Variants in ASCC3 observed in about 807,000 individuals in gnomAD.
ASCC3 encodes the protein ASC-1 complex subunit P200.
In ASCC3, 158 loss-of-function variants were observed where a neutral mutation model predicts 256.3. The ratio of observed to expected loss-of-function variants is 0.62; its 90% CI spans 0.54 to 0.70. ASCC3 has a LOEUF of 0.70. Ranked by LOEUF, ASCC3 falls within the 30% of genes least tolerant of loss-of-function variation. ASCC3 has a pLI of 0.00. For missense variants in ASCC3, 2,259 were observed against 2,626.0 expected, an observed-to-expected ratio of 0.86 and a Z score of 3.05; for synonymous variants, 948 against 883.4, an observed-to-expected ratio of 1.07 and a Z score of -1.30.
chr6:100,642,311 G>A (rs1582619647), intron 24 of ASCC3, among the ~76,000 whole-genome samples: 2 of 151,974 alleles, frequency 1.3e-5, no homozygotes, highest in African/African-American at 4.8e-5. Context: ...CAAAAGATGG[G>A]GGGAAATTCC....
intron 8 of ASCC3, among the ~76,000 whole-genome samples, chr6:100,773,218 G>T (rs997571489): frequency 2.0e-5 from 3 of 152,074 alleles, no homozygotes; most frequent in African/African-American, 7.2e-5. Flanking sequence ...GATGGTACTT[G>T]TTAAATATGT....
chr6:100,836,825 C>T (rs1457634038), intron 4 of ASCC3, among the ~76,000 whole-genome samples: 2 of 151,960 alleles, frequency 1.3e-5, no homozygotes, highest in African/African-American at 4.8e-5. Flanking sequence ...TATTACAAGG[C>T]CTTTATTGGC....
At chr6:100,697,097 G>C (rs1258796460) in intron 13 of ASCC3, among the ~76,000 whole-genome samples, 1 of 152,082 alleles carries the variant, frequency 6.6e-6, no homozygotes, top group African/African-American at 2.4e-5. Flanking sequence ...CTTTTATGTA[G>C]CAAGTCAGAA....
At chr6:100,804,537 C>G (rs1016876395) in intron 5 of ASCC3, among the ~76,000 whole-genome samples, 10 of 151,890 alleles carry the variant, frequency 6.6e-5, no homozygotes, top group African/African-American at 2.2e-4. Context: ...ACCTAATATC[C>G]AGAATCTATA....
In ASCC3 at chr6:100,881,130, TTTTAC is replaced by T. The variant is rs1324853806; in HGVS notation, c.-116_-112del. 2.6e-5 allele frequency: 4 copies of T among 152,324 alleles called. No homozygotes were observed. The highest frequency in any genetic ancestry group is 7.2e-5 in the African/African-American group (3 of 41,438). The allele number at this position is 152,324 out of a possible 1,614,324, so 9.4% of individuals were successfully genotyped here. ...GCCACCGCGCCTTCTTCCCTTTCGG[TTTTAC>T]TTTAACTTCCCACGCCGGGTGAGGA... On this transcript the variant is annotated 5_prime_UTR_variant, in exon 1 of 42. Coordinates refer to ENST00000369162, the MANE Select transcript of ASCC3 (RefSeq NM_006828.4).
chr6:100,559,521 T>G (rs1441729528), intron 36 of ASCC3, among the ~76,000 whole-genome samples: 1 of 152,138 alleles, frequency 6.6e-6, no homozygotes, highest in East Asian at 1.9e-4. Context: ...TTCAAATAAA[T>G]AATCCTAAGG....
At chr6:100,542,849 A>G (rs936470899) in intron 36 of ASCC3, among the ~76,000 whole-genome samples, 1 of 140,442 alleles carries the variant, frequency 7.1e-6, no homozygotes, top group Admixed American at 7.0e-5. Flanking sequence ...AAGACAAATT[A>G]TACCAGATGA....
chr6:100,586,302 C>A (rs1261882048), intron 36 of ASCC3, among the ~76,000 whole-genome samples: 3 of 152,160 alleles, frequency 2.0e-5, no homozygotes, highest in Non-Finnish European at 4.4e-5. Flanking sequence ...TGACCCTTCC[C>A]CAGCCTTGCT....
chr6:100,789,113 A>C lies in ASCC3; in HGVS notation c.1395+9600T>G, dbSNP rs146685834. On this transcript the variant is annotated intron_variant, in intron 8 of 41. Transcript: ENST00000369162. ...AGGGGAGGAAAGGAAAGGAGGAAGG[A>C]AGGAAGGGAGGACAGGAGGGAGGGC... Among the ~76,000 whole-genome samples, 60 of 151,844 alleles carry C rather than the reference A, an allele frequency of 4.0e-4. 1 individual carries two copies. Among genetic ancestry groups the C allele is most frequent in the African/African-American group, 1.4e-3 (59 of 41,492 alleles).
Position 100,569,031 on chromosome 6 carries a change from G to A in ASCC3, c.5550+20603C>T, listed in dbSNP as rs533307119. Reference sequence around the variant, plus strand: ...CCTGATCTCGTGATCTGATTGCCTCGGCCTAGTCATAAATTATTTCTTAAG... The same window carrying A: ...CCTGATCTCGTGATCTGATTGCCTCAGCCTAGTCATAAATTATTTCTTAAG... On this transcript the variant is annotated intron_variant, in intron 36 of 41. Coordinates refer to ENST00000369162, the MANE Select transcript of ASCC3 (RefSeq NM_006828.4). 2.4e-4 allele frequency among the ~76,000 whole-genome samples: 37 copies of A among 151,822 alleles called. 1 individual carries two copies. The highest frequency in any genetic ancestry group is 4.2e-4 in the South Asian group (2 of 4,804).
At chr6:100,837,844 A>T (rs979420130) in intron 4 of ASCC3, among the ~76,000 whole-genome samples, 1 of 152,062 alleles carries the variant, frequency 6.6e-6, no homozygotes, top group Admixed American at 6.6e-5. Context: ...TAGGGCTAAC[A>T]ATATTGTGTT....
Position 100,647,742 on chromosome 6 carries a change from G to T in ASCC3, c.3253-291C>A, listed in dbSNP as rs572750266. Among the ~76,000 whole-genome samples, 175 of 152,126 alleles carry T rather than the reference G, an allele frequency of 1.2e-3. 1 individual carries two copies. Among genetic ancestry groups the T allele is most frequent in the African/African-American group, 3.9e-3 (164 of 41,522 alleles). ...AGGAATGAAGTAGGAAGAGACAAAA[G>T]GCATGCAAAATATTTAGGAGGCTGT... On this transcript the variant is annotated intron_variant, in intron 20 of 41. Transcript: ENST00000369162.
intron 4 of ASCC3, among the ~76,000 whole-genome samples, chr6:100,818,534 T>A (rs1229489613): frequency 7.4e-6 from 1 of 135,726 alleles, no homozygotes; most frequent in East Asian, 2.1e-4. Flanking sequence ...ATCATGCCAC[T>A]CTCTAGCCTG....
chr6:100,754,774 TTGTGTGAGGG>T (rs1781096985), intron 10 of ASCC3, among the ~76,000 whole-genome samples: 1 of 152,120 alleles, frequency 6.6e-6, no homozygotes, highest in African/African-American at 2.4e-5. Flanking sequence ...TCCCCATGTA[TTGTGTGAGGG>T]ACCCAGTGGG....
intron 13 of ASCC3, among the ~76,000 whole-genome samples, chr6:100,706,031 G>A (rs6922219): frequency 5.9e-5 from 9 of 151,264 alleles, no homozygotes; most frequent in African/African-American, 2.2e-4. Context: ...ATACACACAT[G>A]CACATAGTAT....
In ASCC3 at chr6:100,839,857, G is replaced by GT. The variant is rs1161912759; in HGVS notation, c.801+8290dup. Among the ~76,000 whole-genome samples the GT allele has an allele frequency of 3.7e-4, 56 of 152,128 alleles. 1 individual carries two copies. The highest frequency in any genetic ancestry group is 2.0e-3 in the Admixed American group (30 of 15,272). On this transcript the variant is annotated intron_variant, in intron 4 of 41. Transcript: ENST00000369162. ...CTCTTTAAAAGGACTACCAACTGCA[G>GT]TTTTTTCTTAAGTGGGAAAAAAGCA... is the stretch of plus-strand genomic sequence containing the variant.
intron 11 of ASCC3, among the ~76,000 whole-genome samples, chr6:100,722,567 T>C (rs1779392370): frequency 6.6e-6 from 1 of 151,820 alleles, no homozygotes; most frequent in African/African-American, 2.4e-5. Context: ...AACTTTGTTT[T>C]GTTTATCACT....
intron 8 of ASCC3, among the ~76,000 whole-genome samples, chr6:100,788,697 G>C (rs537933872): frequency 6.6e-6 from 1 of 151,688 alleles, no homozygotes; most frequent in South Asian, 2.1e-4. Flanking sequence ...ACAGAAACCA[G>C]ATTCAAAATA....
intron 37 of ASCC3, among the ~76,000 whole-genome samples, chr6:100,535,964 G>A (rs1775139965): frequency 2.6e-5 from 4 of 152,134 alleles, no homozygotes; most frequent in Admixed American, 2.6e-4. Context: ...GTAGCCATTA[G>A]AAATTATTCT....
Sources: gnomAD v4.1 joint callset for allele counts (sites outside exome capture counted in the v4.1 genomes callset) on GRCh38, gnomAD v4.1.1 for gene constraint, MANE v1.5 for transcripts, NCBI Gene and HGNC (gene_info 2026-07-23, HGNC 2026-07-21) for gene names.